The following EHBP1 variants were observed in gnomAD, a reference collection of about 807,000 sequenced individuals.
The protein encoded by EHBP1 is EH domain-binding protein 1.
A neutral mutation model predicts 144.0 loss-of-function variants in EHBP1; 55 were observed. The ratio of observed to expected loss-of-function variants is 0.38; its 90% confidence interval spans 0.31 to 0.48. The LOEUF (loss-of-function observed/expected upper bound fraction) is 0.48. EHBP1 is among the 20% of genes least tolerant of loss of function. EHBP1 has a pLI of 0.98. For missense variants in EHBP1, 1,200 were observed against 1,364.2 expected, an observed-to-expected ratio of 0.88 and a Z score of 1.90; for synonymous variants, 469 against 472.7, an observed-to-expected ratio of 0.99 and a Z score of 0.10.
At chr2:62,865,605 C>T (rs1304916743) in intron 9 of EHBP1, among the ~76,000 whole-genome samples, 1 of 152,186 alleles carries the variant, frequency 6.6e-6, no homozygotes, top group African/African-American at 2.4e-5. Flanking sequence ...CCTCCACTTC[C>T]AGTCATGATG....
intron 8 of EHBP1, among the ~76,000 whole-genome samples, chr2:62,862,291 G>A (rs760011671): frequency 1.3e-5 from 2 of 152,160 alleles, no homozygotes; most frequent in Non-Finnish European, 2.9e-5. Context: ...AACATGTACA[G>A]TATACGTGGT....
At chr2:62,934,325 G>A (rs2056217906) in intron 10 of EHBP1, among the ~76,000 whole-genome samples, 1 of 152,200 alleles carries the variant, frequency 6.6e-6, no homozygotes, top group Non-Finnish European at 1.5e-5. Flanking sequence ...GAATACTGAT[G>A]TGACGGAGCA....
In EHBP1 at chr2:62,995,139, C is replaced by G. The variant is rs143607862; in HGVS notation, c.2979+1162C>G. 2.6e-3 allele frequency among the ~76,000 whole-genome samples: 403 copies of G among 152,144 alleles called. 1 individual carries two copies. The highest frequency in any genetic ancestry group is 9.1e-3 in the African/African-American group (378 of 41,534). On this transcript the variant is annotated intron_variant, in intron 18 of 22. Coordinates refer to ENST00000431489, the MANE Select transcript of EHBP1 (RefSeq NM_001142616.3). ...GGCAGATAGGTTCAAGAAGCATTCA[C>G]CAGATTATCCCAGATTTTAAAGTTA... is the stretch of plus-strand genomic sequence containing the variant.
In EHBP1 at chr2:63,045,270, G is replaced by A; in HGVS notation, c.3392+90G>A. 2.8e-6 allele frequency: 4 copies of A among 1,417,022 alleles called. No homozygotes were observed. The highest frequency in any genetic ancestry group is 3.9e-6 in the Non-Finnish European group (4 of 1,027,040). 87.8% of individuals were successfully genotyped at this position (1,417,022 alleles called of 1,614,324 possible). On this transcript the variant is annotated intron_variant, in intron 22 of 22. Coordinates refer to ENST00000431489, the MANE Select transcript of EHBP1 (RefSeq NM_001142616.3). This position sits in a 1 kb window ranked among gnomAD's most constrained non-coding sequence, Gnocchi z 5.7. ...AAGTTCAATCCAGAGGTCGCGGGAG[G>A]GCCGGGGCAGCCTCCCACTGGCCTG...
At chr2:62,940,205 A>C (rs1363891051) in intron 10 of EHBP1, 4 of 326,994 alleles carry the variant, frequency 1.2e-5, no homozygotes, top group Non-Finnish European at 2.4e-5. Context: ...TGACTTGCAC[A>C]GTCCTTCTGA....
At chr2:62,914,749 G>C (rs1287446255) in intron 10 of EHBP1, among the ~76,000 whole-genome samples, 1 of 151,960 alleles carries the variant, frequency 6.6e-6, no homozygotes. Context: ...TTAACAGGGT[G>C]AATGTTGCTA....
intron 19 of EHBP1, among the ~76,000 whole-genome samples, chr2:63,003,598 G>A (rs1261745168): frequency 6.6e-6 from 1 of 152,040 alleles, no homozygotes; most frequent in Non-Finnish European, 1.5e-5. Context: ...AACTGCTATT[G>A]TTGTGCTCCA....
chr2:62,775,244 A>G (rs2041978250), intron 5 of EHBP1, among the ~76,000 whole-genome samples: 1 of 152,194 alleles, frequency 6.6e-6, no homozygotes, highest in Non-Finnish European at 1.5e-5. Flanking sequence ...AACCTCTCCT[A>G]GGTTATAGCT....
chr2:63,015,772 C>T (rs1298368192), intron 19 of EHBP1, among the ~76,000 whole-genome samples: 1 of 151,762 alleles, frequency 6.6e-6, no homozygotes, highest in East Asian at 1.9e-4. Flanking sequence ...ATTTTAATTA[C>T]AGAACTGAAA....
intron 15 of EHBP1, among the ~76,000 whole-genome samples, 163 bp from the exon 16 acceptor site, chr2:62,990,553 G>T (rs2059373905): frequency 6.6e-6 from 1 of 152,008 alleles, no homozygotes; most frequent in Non-Finnish European, 1.5e-5. Context: ...TTTGGTGGGG[G>T]AATATATATA....
intron 21 of EHBP1, among the ~76,000 whole-genome samples, chr2:63,042,341 T>A (rs1314486767): frequency 6.6e-6 from 1 of 152,118 alleles, no homozygotes; most frequent in Non-Finnish European, 1.5e-5. Context: ...TGTGTACATA[T>A]ATATTATATA....
chr2:62,819,206 G>A (rs978961594), intron 5 of EHBP1, among the ~76,000 whole-genome samples: 2 of 151,840 alleles, frequency 1.3e-5, no homozygotes, highest in East Asian at 1.9e-4. Flanking sequence ...CTTTAATTTT[G>A]GAAAAATCTA....
chr2:62,951,039 A>C (rs1003985909), intron 13 of EHBP1, among the ~76,000 whole-genome samples: 1 of 152,190 alleles, frequency 6.6e-6, no homozygotes, highest in Non-Finnish European at 1.5e-5. Context: ...TTTTCTTCCA[A>C]GTCAGTATAC....
chr2:62,786,414 C>T (rs1241657612), intron 5 of EHBP1, among the ~76,000 whole-genome samples: 1 of 152,142 alleles, frequency 6.6e-6, no homozygotes, highest in Non-Finnish European at 1.5e-5. Flanking sequence ...AGTGTTACTT[C>T]ATCATTTTAT....
At chr2:62,770,410 A>C (rs1434830528) in intron 4 of EHBP1, among the ~76,000 whole-genome samples, 1 of 152,248 alleles carries the variant, frequency 6.6e-6, no homozygotes, top group Non-Finnish European at 1.5e-5. Context: ...CATATGAAAA[A>C]AAGTTCAACA....
In EHBP1 at chr2:62,949,079, G is replaced by T; in HGVS notation, c.2233G>T (p.Ala745Ser). The T allele has an allele frequency of 6.2e-7, 1 of 1,607,552 alleles. No homozygotes were observed. Among genetic ancestry groups the T allele is most frequent in the Non-Finnish European group, 8.5e-7 (1 of 1,178,480 alleles). Residue 745 changes from alanine to serine, a missense_variant, in exon 13 of 23, where the codon GCT (alanine) becomes TCT (serine). By Grantham distance (99) the Ala-to-Ser change is moderately conservative (BLOSUM62 1). Transcript: ENST00000431489. The stretch of plus-strand genomic sequence containing the variant: ...TCTAGACCTTGCTAAGAAAAAACAT[G>T]CTTCCCTGAGGCAGACGGAGTCTGA... ...RDLDLAKKKH[A>S]SLRQTESDPD... is the part of the protein sequence containing the mutation.
intron 14 of EHBP1, among the ~76,000 whole-genome samples, chr2:62,971,024 T>G (rs2058473018): frequency 6.6e-6 from 1 of 152,236 alleles, no homozygotes; most frequent in African/African-American, 2.4e-5. Context: ...ATTACATTAC[T>G]TATTCTTGAA....
intron 2 of EHBP1, among the ~76,000 whole-genome samples, chr2:62,726,326 A>T (rs1222250530): frequency 6.6e-6 from 1 of 152,202 alleles, no homozygotes; most frequent in Non-Finnish European, 1.5e-5. Context: ...TCTCCTTGCC[A>T]GTTCAACTCA....
At chr2:62,757,429 T>C (rs1249770605) in intron 3 of EHBP1, among the ~76,000 whole-genome samples, 2 of 143,292 alleles carry the variant, frequency 1.4e-5, no homozygotes, top group Non-Finnish European at 3.1e-5. Flanking sequence ...TTTTTTTCTT[T>C]TTTTTTTTTT....
Sources: gnomAD v4.1 joint callset for allele counts (sites outside exome capture counted in the v4.1 genomes callset) on GRCh38, gnomAD v4.1.1 for gene constraint, Gnocchi (gnomAD v3.1) non-coding constraint, MANE v1.5 for transcripts, NCBI Gene and HGNC (gene_info 2026-07-23, HGNC 2026-07-21) for gene names.